Variants in MTMR3 observed in about 807,000 individuals in gnomAD.
MTMR3 encodes the protein myotubularin related protein 3.
In MTMR3, 32 loss-of-function variants were observed where a neutral mutation model predicts 132.4. That is an observed-to-expected ratio of 0.24 (90% CI 0.18 to 0.32). MTMR3 has a LOEUF of 0.32. Among genes scored for constraint, MTMR3 ranks in the 10% least tolerant of loss-of-function variants. The probability of loss-of-function intolerance (pLI) is 1.00; values close to 1 mark genes in which losing one functional copy is unlikely to be tolerated. For synonymous variants in MTMR3, 556 were observed against 550.3 expected, an observed-to-expected ratio of 1.01 and a Z score of -0.14; for missense variants, 1,216 against 1,489.6, an observed-to-expected ratio of 0.82 and a Z score of 3.02.
intron 1 of MTMR3, among the ~76,000 whole-genome samples, chr22:29,937,699 T>C (rs2065778638): frequency 6.6e-6 from 1 of 152,160 alleles, no homozygotes; most frequent in African/African-American, 2.4e-5. Context: ...TCGTAGGGAG[T>C]ATATATTCAG....
intron 7 of MTMR3, 118 bp from the exon 8 acceptor site, chr22:29,998,642 CA>C: frequency 5.9e-6 from 3 of 508,664 alleles, no homozygotes; most frequent in Admixed American, 3.9e-5. Flanking sequence ...AATCCTGTCT[CA>C]AAAAATATAT....
intron 9 of MTMR3, chr22:30,005,461 G>A (rs2067255397): frequency 6.6e-6 from 1 of 152,242 alleles, no homozygotes; most frequent in Non-Finnish European, 1.5e-5. Flanking sequence ...TTGAAGAAGA[G>A]GAGGATGTTC....
chr22:29,932,026 A>G (rs2065657268), intron 1 of MTMR3, among the ~76,000 whole-genome samples: 1 of 152,174 alleles, frequency 6.6e-6, no homozygotes, highest in African/African-American at 2.4e-5. Flanking sequence ...TCAGAGATAC[A>G]CTAATGTTGA....
At chr22:29,959,709 A>G (rs1357190975) in intron 2 of MTMR3, among the ~76,000 whole-genome samples, 1 of 151,960 alleles carries the variant, frequency 6.6e-6, no homozygotes, top group Admixed American at 6.6e-5. Flanking sequence ...TTGGCTCTGT[A>G]GCATTTAATA....
chr22:30,019,757 G>A lies in MTMR3; in HGVS notation c.2098G>A (p.Glu700Lys), dbSNP rs1387657389. 6.2e-7 allele frequency: 1 copy of A among 1,614,110 alleles called. No homozygotes were observed. The highest frequency in any genetic ancestry group is 2.2e-5 in the East Asian group (1 of 44,890). ...CATCTTGCAGGAGGCCACCAAAGAG[G>A]AGAGTGGAGTAGAGGAACCTGCCCA... is the stretch of plus-strand genomic sequence containing the variant. ...ENILQEATKE[E>K]SGVEEPAHRA... The change falls in exon 17 of 20, where the codon GAG becomes AAG. Residue 700 changes from glutamate (E) to lysine (K), a missense_variant. This residue lies in a region of MTMR3 where 852 missense variants were observed against 852.0 expected (regional missense o/e 1.00). Coordinates refer to ENST00000401950, the MANE Select transcript of MTMR3 (RefSeq NM_021090.4).
intron 3 of MTMR3, among the ~76,000 whole-genome samples, chr22:29,975,315 G>A (rs1291401835): frequency 6.6e-6 from 1 of 152,088 alleles, no homozygotes; most frequent in Non-Finnish European, 1.5e-5. Flanking sequence ...TTATATAGTA[G>A]CATAAATAAC....
At position 29,960,460 on chromosome 22, in the gene MTMR3, G is replaced by A. The variant is rs531035854; in HGVS notation, c.-85+3372G>A. Among the ~76,000 whole-genome samples, 58 of 152,260 alleles carry A rather than the reference G, an allele frequency of 3.8e-4. 2 individuals carry two copies. Among genetic ancestry groups the A allele is most frequent in the African/African-American group, 1.1e-3 (44 of 41,554 alleles). On this transcript the variant is annotated intron_variant, in intron 2 of 19. Transcript: ENST00000401950. Reference sequence around the variant, plus strand: ...TTTAAATGGTTCAAAAAAAATGCACGTGCATATGCGCGAACAAAAAAGGAG... The same window carrying A: ...TTTAAATGGTTCAAAAAAAATGCACATGCATATGCGCGAACAAAAAAGGAG...
chr22:29,935,817 A>G (rs1207842495), intron 1 of MTMR3, among the ~76,000 whole-genome samples: 3 of 145,472 alleles, frequency 2.1e-5, no homozygotes, highest in Non-Finnish European at 4.5e-5. Context: ...CAGTGGTGCA[A>G]TCTCGGCTCA....
At chr22:29,938,047 C>G (rs1457059035) in intron 1 of MTMR3, among the ~76,000 whole-genome samples, 1 of 152,180 alleles carries the variant, frequency 6.6e-6, no homozygotes, top group Non-Finnish European at 1.5e-5. Context: ...GTGGGCCAAG[C>G]TGGCTAAGAC....
Position 29,888,929 on chromosome 22 carries a change from G to A in MTMR3, c.-138+5570G>A, listed in dbSNP as rs529319434. Among the ~76,000 whole-genome samples the A allele has an allele frequency of 1.3e-3, 204 of 151,766 alleles. 6 individuals are homozygous for A. In the South Asian group the frequency reaches 0.041, roughly 31 times the overall value. On this transcript the variant is annotated intron_variant, in intron 1 of 19. Coordinates refer to ENST00000401950, the MANE Select transcript of MTMR3 (RefSeq NM_021090.4). ...TCGTTAATACTTTTATAACTTAGTT[G>A]CAGAAGAGAAATATAAATTTATTTA...
rs973349794 is a variant in MTMR3 at position 29,947,594 on chromosome 22, C to T, written c.-137-9442C>T. ...TTTTTAAATTCAAGGTTTGGTCTGT[C>T]TGAATTTTTCTGAGTCATTGATTTA... On this transcript the variant is annotated intron_variant, in intron 1 of 19. Transcript: ENST00000401950. Among the ~76,000 whole-genome samples, 51 of 151,606 alleles carry T rather than the reference C, an allele frequency of 3.4e-4. 1 individual carries two copies. Among genetic ancestry groups the T allele is most frequent in the Non-Finnish European group, 6.9e-4 (47 of 67,940 alleles).
chr22:29,966,289 C>T (rs1055432092), intron 2 of MTMR3, among the ~76,000 whole-genome samples: 6 of 152,156 alleles, frequency 3.9e-5, no homozygotes, highest in Admixed American at 3.3e-4. Context: ...TCCTTAATAT[C>T]ATCAGATATT....
At chr22:29,927,590 G>A (rs560319989) in intron 1 of MTMR3, among the ~76,000 whole-genome samples, 7 of 151,776 alleles carry the variant, frequency 4.6e-5, no homozygotes, top group South Asian at 4.2e-4. Context: ...GTGTTTAGCC[G>A]GTACTTCTGT....
rs1003379543 is a variant in MTMR3 at position 30,008,816 on chromosome 22, C to T, written c.1010-202C>T. On this transcript the variant is annotated intron_variant, in intron 11 of 19. Coordinates refer to ENST00000401950, the MANE Select transcript of MTMR3 (RefSeq NM_021090.4). Reference sequence around the variant, plus strand: ...TTACAAATCTAACCTTCCCTTTTCACGCTTTTTGAAAAGATAGCTAAAATT... The same window carrying T: ...TTACAAATCTAACCTTCCCTTTTCATGCTTTTTGAAAAGATAGCTAAAATT... The T allele has an allele frequency of 3.5e-5, 16 of 450,730 alleles. 1 individual carries two copies. In the South Asian group the frequency reaches 4.0e-4, roughly 11 times the overall value. 27.9% of individuals were successfully genotyped at this position (450,730 alleles called of 1,614,324 possible). A position where few individuals can be genotyped will look rare whatever the true frequency, so the allele number is the denominator to read the frequency against.
At chr22:29,948,758 CTGA>C (rs1390297942) in intron 1 of MTMR3, among the ~76,000 whole-genome samples, 1 of 150,466 alleles carries the variant, frequency 6.6e-6, no homozygotes, top group African/African-American at 2.5e-5. Context: ...CAAAAAGATA[CTGA>C]TGTTTTTATC....
chr22:30,012,880 T>C (rs1478442157), intron 13 of MTMR3: 1 of 242,144 alleles, frequency 4.1e-6, no homozygotes, highest in East Asian at 8.5e-5. Context: ...ATGCTAGATA[T>C]TACCAGAGTG....
At position 30,003,254 on chromosome 22, in the gene MTMR3, CCTT is replaced by C. The variant is rs201769419; in HGVS notation, c.671+265_671+267del. On this transcript the variant is annotated intron_variant, in intron 9 of 19. Coordinates refer to ENST00000401950, the MANE Select transcript of MTMR3 (RefSeq NM_021090.4). ...GTGGCTGGACTTGCTATTTCAATAT[CCTT>C]CTTACATTCTGTGAGAAGATAATGT... 7.3e-3 allele frequency: 2,399 copies of C among 329,530 alleles called. 16 individuals carry two copies. Among genetic ancestry groups the C allele is most frequent in the Non-Finnish European group, 9.8e-3 (1,757 of 178,762 alleles). The allele number at this position is 329,530 out of a possible 1,614,324, so 20.4% of individuals were successfully genotyped here. A position where few individuals can be genotyped will look rare whatever the true frequency, so the allele number is the denominator to read the frequency against.
In MTMR3 at chr22:30,027,056, A is replaced by G. The variant is rs957851754; in HGVS notation, c.*1255A>G. ...GGGCACCTTTCCTCAGTGAGCTTTG[A>G]TATGGTCCAAAAACAGCCTTAAATC... On this transcript the variant is annotated 3_prime_UTR_variant, in exon 20 of 20. Transcript: ENST00000401950. 4 of 152,680 alleles carry G rather than the reference A, an allele frequency of 2.6e-5. No individual in the cohort carries two copies. Among genetic ancestry groups the G allele is most frequent in the African/African-American group, 9.7e-5 (4 of 41,414 alleles). The allele number at this position is 152,680 out of a possible 1,614,324, so 9.5% of individuals were successfully genotyped here.
chr22:29,898,620 T>C (rs1402845873), intron 1 of MTMR3, among the ~76,000 whole-genome samples: 1 of 152,140 alleles, frequency 6.6e-6, no homozygotes, highest in African/African-American at 2.4e-5. Flanking sequence ...CCAGGCTGCC[T>C]CGAACTCCTG....
Sources: gnomAD v4.1 joint callset for allele counts (sites outside exome capture counted in the v4.1 genomes callset) on GRCh38, gnomAD v4.1.1 for gene constraint, gnomAD v4.1.1 regional missense constraint, MANE v1.5 for transcripts, NCBI Gene and HGNC (gene_info 2026-07-23, HGNC 2026-07-21) for gene names.